CUL4A: variants seen among roughly 807,000 people sequenced by gnomAD.
CUL4A encodes cullin 4A, also known as cullin-4A.
In CUL4A, 16 loss-of-function variants were observed where a neutral mutation model predicts 95.5. That is an observed-to-expected ratio of 0.17 (90% CI 0.11 to 0.25). The LOEUF is 0.25. Ranked by LOEUF, CUL4A falls within the 10% of genes least tolerant of loss-of-function variation. The pLI, the probability that CUL4A is intolerant of heterozygous loss-of-function variation, is 1.00. For missense variants in CUL4A, 610 were observed against 937.0 expected, an observed-to-expected ratio of 0.65 and a Z score of 4.56; for synonymous variants, 380 against 353.1, an observed-to-expected ratio of 1.08 and a Z score of -0.85.
intron 4 of CUL4A, 50 bp downstream of exon 4, chr13:113,228,095 C>A: frequency 1.5e-6 from 2 of 1,348,212 alleles, no homozygotes; most frequent in Non-Finnish European, 2.1e-6. Context: ...CATCTTCCCT[C>A]ACCCACATGA....
intron 12 of CUL4A, among the ~76,000 whole-genome samples, 194 bp from the exon 13 acceptor site, chr13:113,244,755 G>A (rs892378812): frequency 6.6e-6 from 1 of 151,982 alleles, no homozygotes; most frequent in Non-Finnish European, 1.5e-5. Flanking sequence ...GCAGAGAATG[G>A]CGTGAACGCG....
chr13:113,245,296 T>C, intron 14 of CUL4A, 59 bp downstream of exon 14: 1 of 1,457,530 alleles, frequency 6.9e-7, no homozygotes, highest in Non-Finnish European at 9.6e-7. Context: ...GTGTGGTGGC[T>C]CATGCCTGTA....
Position 113,210,149 on chromosome 13 carries a change from G to A in CUL4A, c.264+61G>A, listed in dbSNP as rs1567005852. 6 of 1,202,688 alleles carry A rather than the reference G, an allele frequency of 5.0e-6. No homozygotes were observed. The East Asian group carries it at 1.9e-4, about 39-fold the overall frequency. The allele number at this position is 1,202,688 out of a possible 1,614,324, so 74.5% of individuals were successfully genotyped here. A position where few individuals can be genotyped will look rare whatever the true frequency, so the allele number is the denominator to read the frequency against. On this transcript the variant is annotated intron_variant, in intron 2 of 19. Coordinates refer to ENST00000375440, the MANE Select transcript of CUL4A (RefSeq NM_001008895.4). ...GCCCCGCGTGACGCAGACGCGGCCGGGCGGCCGCTCCGGGTGCCTCGCAGG... is the reference window on the plus strand; with the variant it reads ...GCCCCGCGTGACGCAGACGCGGCCGAGCGGCCGCTCCGGGTGCCTCGCAGG...
chr13:113,229,353 A>G, intron 4 of CUL4A, 93 bp from the exon 5 acceptor site: 1 of 1,043,466 alleles, frequency 9.6e-7, no homozygotes. Flanking sequence ...CAGCTGTTGG[A>G]TTTGAGACAG....
intron 9 of CUL4A, among the ~76,000 whole-genome samples, chr13:113,239,081 C>T (rs965906923): frequency 6.6e-6 from 1 of 152,194 alleles, no homozygotes; most frequent in Admixed American, 6.5e-5. Flanking sequence ...TTTACATTGT[C>T]TGGCCGATGG....
intron 2 of CUL4A, 34 bp downstream of exon 2, chr13:113,210,122 C>T: frequency 1.4e-6 from 2 of 1,388,560 alleles, no homozygotes; most frequent in South Asian, 1.4e-5. Flanking sequence ...GACGCCGCTC[C>T]TGCCCCGCGT....
chr13:113,235,950 G>A (rs1456379118), intron 8 of CUL4A, among the ~76,000 whole-genome samples: 7 of 146,002 alleles, frequency 4.8e-5, no homozygotes, highest in Admixed American at 2.8e-4. Flanking sequence ...CAGCCTGGGC[G>A]ACAGAGCGAG....
At chr13:113,226,620 A>G (rs1378146303) in intron 3 of CUL4A, among the ~76,000 whole-genome samples, 1 of 152,188 alleles carries the variant, frequency 6.6e-6, no homozygotes, top group Non-Finnish European at 1.5e-5. Context: ...CTAAAAATAC[A>G]CATTCTAAGA....
chr13:113,260,940 C>T (rs757101168), intron 19 of CUL4A, among the ~76,000 whole-genome samples, 181 bp downstream of exon 19: 12 of 152,192 alleles, frequency 7.9e-5, no homozygotes, highest in Non-Finnish European at 1.5e-4. Context: ...CTCATTGCCA[C>T]TGCAGAAATG....
At chr13:113,247,185 G>T (rs1315534192) in intron 15 of CUL4A, among the ~76,000 whole-genome samples, 2 of 152,078 alleles carry the variant, frequency 1.3e-5, no homozygotes, top group Non-Finnish European at 2.9e-5. Context: ...CATTCATGAG[G>T]GATCCACCCC....
chr13:113,261,885 G>C (rs1595439795), intron 19 of CUL4A, among the ~76,000 whole-genome samples: 1 of 152,092 alleles, frequency 6.6e-6, no homozygotes, highest in Non-Finnish European at 1.5e-5. Flanking sequence ...GGTTCAAGCA[G>C]TTCTCCTGCC....
upstream of CUL4A, chr13:113,208,573 C>CCG: frequency 6.2e-7 from 1 of 1,605,574 alleles, no homozygotes; most frequent in Non-Finnish European, 8.5e-7. Flanking sequence ...AACCACGCCG[C>CCG]CGCGCGCTCC....
intron 15 of CUL4A, among the ~76,000 whole-genome samples, chr13:113,252,159 G>A (rs900380296): frequency 1.3e-5 from 2 of 152,172 alleles, no homozygotes; most frequent in Non-Finnish European, 2.9e-5. Context: ...AGCAGGATCC[G>A]GGCGATGGGA....
In CUL4A at chr13:113,227,886, C is replaced by T. The variant is rs111940842; in HGVS notation, c.369-90C>T. ...TCGTGCCACTGCACTCCAGCCTGGGCGACAGAGCGAGACTCCATCTCAAAA... is the reference window on the plus strand; with the variant it reads ...TCGTGCCACTGCACTCCAGCCTGGGTGACAGAGCGAGACTCCATCTCAAAA... On this transcript the variant is annotated intron_variant, in intron 3 of 19. Coordinates refer to ENST00000375440, the MANE Select transcript of CUL4A (RefSeq NM_001008895.4). 288 of 745,916 alleles carry T rather than the reference C, an allele frequency of 3.9e-4. No homozygotes were observed. The African/African-American group carries it at 4.5e-3, about 12-fold the overall frequency. The allele number at this position is 745,916 out of a possible 1,614,324, so 46.2% of individuals were successfully genotyped here. A position where few individuals can be genotyped will look rare whatever the true frequency, so the allele number is the denominator to read the frequency against.
Position 113,245,984 on chromosome 13 carries a change from C to A in CUL4A, c.1559C>A (p.Pro520His). ...QHMQNQSDSG[P>H]IDLTVNILTM... ...ATGCAGAATCAGAGTGACTCAGGCC[C>A]TATAGACCTCACAGTGAACATACTC... The change falls in exon 15 of 20, where the codon CCT (proline) becomes CAT (histidine). Residue 520 changes from proline (P) to histidine (H), a missense_variant. Coordinates refer to ENST00000375440, the MANE Select transcript of CUL4A (RefSeq NM_001008895.4). The A allele has an allele frequency of 6.2e-7, 1 of 1,613,882 alleles. No homozygotes were observed. Among genetic ancestry groups the A allele is most frequent in the Non-Finnish European group, 8.5e-7 (1 of 1,179,890 alleles).
At chr13:113,244,656 A>G (rs763013626) in intron 12 of CUL4A, 142 bp downstream of exon 12, 17 of 686,636 alleles carry the variant, frequency 2.5e-5, no homozygotes, top group Non-Finnish European at 4.0e-5. Flanking sequence ...CCTTGCTAAC[A>G]TGGTGAAACC....
rs776364243 is a variant in CUL4A at position 113,210,063 on chromosome 13, G to C, written c.239G>C (p.Arg80Thr). 27 of 1,515,804 alleles carry C rather than the reference G, an allele frequency of 1.8e-5. No individual in the cohort carries two copies. Among genetic ancestry groups the C allele is most frequent in the South Asian group, 1.1e-4 (9 of 80,850 alleles). The allele number at this position is 1,515,804 out of a possible 1,614,324, so 93.9% of individuals were successfully genotyped here. Residue 80 changes from arginine to threonine, a missense_variant, in exon 2 of 20, where the codon AGG (arginine) becomes ACG (threonine). Around this residue, in one of 10 missense-constraint regions of CUL4A, gnomAD observed 168 missense variants for 185.5 expected, o/e 0.91. Transcript: ENST00000375440. ...GCCGTGCAGAGCAGCACCTCCATCAGGTACAACCTCGAGGAGCTCTACCAG... is the reference window on the plus strand; with the variant it reads ...GCCGTGCAGAGCAGCACCTCCATCACGTACAACCTCGAGGAGCTCTACCAG... The part of the protein sequence containing the change: ...VRAVQSSTSI[R>T]YNLEELYQAV...
At chr13:113,229,636 C>T (rs986948587) in intron 5 of CUL4A, 117 bp downstream of exon 5, 1 of 830,356 alleles carries the variant, frequency 1.2e-6, no homozygotes, top group African/African-American at 1.7e-5. Flanking sequence ...GCCTTCCTTT[C>T]TTCAGCCAAA....
chr13:113,232,911 G>T (rs2041407552), intron 5 of CUL4A, among the ~76,000 whole-genome samples: 1 of 152,154 alleles, frequency 6.6e-6, no homozygotes, highest in South Asian at 2.1e-4. Context: ...CCAGCAGCTT[G>T]TGTGATACCA....
Sources: gnomAD v4.1 joint callset for allele counts (sites outside exome capture counted in the v4.1 genomes callset) on GRCh38, gnomAD v4.1.1 for gene constraint, gnomAD v4.1.1 regional missense constraint, MANE v1.5 for transcripts, NCBI Gene and HGNC (gene_info 2026-07-23, HGNC 2026-07-21) for gene names.